The following ARMC10 variants were observed in gnomAD, a reference collection of about 807,000 sequenced individuals.
The protein encoded by ARMC10 is armadillo repeat-containing protein 10.
In ARMC10, 23 loss-of-function variants were observed where a neutral mutation model predicts 30.2. The observed-to-expected ratio is 0.76, with a 90% CI of 0.55 to 1.08. ARMC10 has a LOEUF of 1.08. Ranked by LOEUF, ARMC10 falls within the 50% of genes least tolerant of loss-of-function variation. ARMC10 has a pLI of 0.00. For missense variants in ARMC10, 303 were observed against 413.7 expected (o/e 0.73, Z 2.32); for synonymous variants, 111 against 164.4 (o/e 0.68, Z 2.48).
intron 4 of ARMC10, 46 bp downstream of exon 4, chr7:103,086,810 A>G (rs761585120): frequency 6.3e-7 from 1 of 1,576,974 alleles, no homozygotes; most frequent in Admixed American, 1.9e-5. Flanking sequence ...TCTATAAATA[A>G]AAAATAACAA....
chr7:103,097,494 ATG>A, intron 6 of ARMC10, 146 bp downstream of exon 6: 1 of 527,508 alleles, frequency 1.9e-6, no homozygotes, highest in South Asian at 5.3e-5. Flanking sequence ...TTCATTTTGT[ATG>A]TGTAAATTTC....
chr7:103,097,885 T>C (rs1318231200), intron 6 of ARMC10, among the ~76,000 whole-genome samples: 1 of 152,218 alleles, frequency 6.6e-6, no homozygotes, highest in Non-Finnish European at 1.5e-5. Context: ...ATCGTATTCA[T>C]CTGCTCATCC....
chr7:103,086,612 T>C lies in ARMC10; in HGVS notation c.394-18T>C. 6.3e-7 allele frequency: 1 copy of C among 1,580,504 alleles called. No homozygotes were observed. Among genetic ancestry groups the C allele is most frequent in the Admixed American group, 2.0e-5 (1 of 49,178 alleles). Reference sequence around the variant, plus strand: ...CTGAAGTCCCAGTCCTGCTTTTTTTTTTTTTTTCCCCTCGTAGGCTATTAT... The same window carrying C: ...CTGAAGTCCCAGTCCTGCTTTTTTTCTTTTTTTCCCCTCGTAGGCTATTAT... On this transcript the variant is annotated intron_variant, in intron 3 of 6. Coordinates refer to ENST00000323716, the MANE Select transcript of ARMC10 (RefSeq NM_031905.5).
intron 3 of ARMC10, among the ~76,000 whole-genome samples, chr7:103,085,040 G>A (rs900316554): frequency 6.6e-6 from 1 of 152,180 alleles, no homozygotes; most frequent in Non-Finnish European, 1.5e-5. Context: ...ATCTGCCCCC[G>A]TGGAAAGAGA....
chr7:103,096,458 T>C (rs1284256694), intron 5 of ARMC10: 2 of 152,240 alleles, frequency 1.3e-5, no homozygotes, highest in Non-Finnish European at 1.5e-5. Context: ...CATATTGTTA[T>C]TTATTTAGTC....
rs6978630 is a variant in ARMC10, at chr7:103,093,152, C to A, written c.705+499C>A. Reference sequence around the variant, plus strand: ...ATTAAGTAGGACCTTAGGAGATGCCCTATAAAAAGTTTCTTAAGTAAATCT... The same window carrying A: ...ATTAAGTAGGACCTTAGGAGATGCCATATAAAAAGTTTCTTAAGTAAATCT... On this transcript the variant is annotated intron_variant, in intron 5 of 6. Transcript: ENST00000323716. Among the ~76,000 whole-genome samples the A allele has an allele frequency of 7.2e-5, 11 of 152,114 alleles. No homozygotes were observed. The South Asian group carries it at 1.2e-3, about 17-fold the overall frequency.
At chr7:103,075,970 G>A in intron 2 of ARMC10, 89 bp downstream of exon 2, 1 of 968,992 alleles carries the variant, frequency 1.0e-6, no homozygotes, top group East Asian at 2.9e-5. Flanking sequence ...TCCAAAAGTT[G>A]ATCGGTACAT....
chr7:103,086,326 AT>A (rs1294952170), intron 3 of ARMC10, among the ~76,000 whole-genome samples: 1 of 152,160 alleles, frequency 6.6e-6, no homozygotes, highest in Non-Finnish European at 1.5e-5. Context: ...TCAAAGAAAA[AT>A]AATTTTATTT....
chr7:103,084,001 T>C (rs769719123), intron 3 of ARMC10, 171 bp downstream of exon 3: 1 of 1,507,326 alleles, frequency 6.6e-7, no homozygotes, highest in Non-Finnish European at 8.9e-7. Flanking sequence ...CACAGCCTAA[T>C]AGTGATATGA....
chr7:103,081,381 C>T (rs1800364887), intron 2 of ARMC10, among the ~76,000 whole-genome samples: 1 of 152,030 alleles, frequency 6.6e-6, no homozygotes, highest in Non-Finnish European at 1.5e-5. Context: ...TTTTTAAAAA[C>T]AAAAACAAAA....
chr7:103,090,387 C>G (rs778768757), intron 4 of ARMC10, among the ~76,000 whole-genome samples: 1 of 152,160 alleles, frequency 6.6e-6, no homozygotes. Flanking sequence ...TAGGGCCAGG[C>G]GTGGTGGCTC....
Position 103,099,575 on chromosome 7 carries a change from CGTGT to C in ARMC10, c.*1037_*1040del, listed in dbSNP as rs36128607. 1 of 29,956 alleles carries C rather than the reference CGTGT, an allele frequency of 3.3e-5. No individual in the cohort carries two copies. Among genetic ancestry groups the C allele is most frequent in the East Asian group, 1.1e-3 (1 of 928 alleles). 1.9% of individuals were successfully genotyped at this position (29,956 alleles called of 1,614,324 possible). ...ACAAAAATTATAGAATATGGGATCC[CGTGT>C]GTGTGTGTGTGTGTTTGAATGAAAA... On this transcript the variant is annotated 3_prime_UTR_variant, in exon 7 of 7. Transcript: ENST00000323716.
At chr7:103,087,389 C>CA (rs1206786095) in intron 4 of ARMC10, among the ~76,000 whole-genome samples, 1 of 152,164 alleles carries the variant, frequency 6.6e-6, no homozygotes, top group Non-Finnish European at 1.5e-5. Flanking sequence ...ACCTACGTTA[C>CA]TGACATTGCT....
chr7:103,085,815 A>G (rs536963664), intron 3 of ARMC10, among the ~76,000 whole-genome samples: 1 of 152,064 alleles, frequency 6.6e-6, no homozygotes, highest in East Asian at 1.9e-4. Context: ...GGGTTTCACC[A>G]TGTTGGCCAG....
In ARMC10 at chr7:103,083,667, TTTC is replaced by T. The variant is rs1395460871; in HGVS notation, c.245-9_245-7del. On this transcript the variant is annotated splice_polypyrimidine_tract_variant and intron_variant, in intron 2 of 6. Coordinates refer to ENST00000323716, the MANE Select transcript of ARMC10 (RefSeq NM_031905.5). ...TGATTTTAGCTTAACTTCAAATAACTTTCTTCTTATGCAGAAGACTTAACTGAT... is the reference window on the plus strand; with the variant it reads ...TGATTTTAGCTTAACTTCAAATAACTTTCTTATGCAGAAGACTTAACTGAT... 6.3e-6 allele frequency: 10 copies of T among 1,596,688 alleles called. No individual in the cohort carries two copies. The South Asian group carries it at 1.1e-4, about 18-fold the overall frequency.
chr7:103,097,707 G>T (rs1269717942), intron 6 of ARMC10, among the ~76,000 whole-genome samples: 1 of 152,208 alleles, frequency 6.6e-6, no homozygotes, highest in Non-Finnish European at 1.5e-5. Context: ...GCATATGCTA[G>T]ATGAGACACA....
At position 103,086,701 on chromosome 7, in the gene ARMC10, A is replaced by G; in HGVS notation, c.465A>G (p.Lys155=). The change falls in exon 4 of 7, where the codon AAA becomes AAG. Residue 155 remains lysine (K), a synonymous_variant. Transcript: ENST00000323716. Reference sequence around the variant, plus strand: ...TCAACCATTCCAACCAGAGTATTAAAGAGAAAGCTTTAAATGCACTAAATA... The same window carrying G: ...TCAACCATTCCAACCAGAGTATTAAGGAGAAAGCTTTAAATGCACTAAATA... ...NKINHSNQSI[K]EKALNALNNL... is the part of the protein sequence containing the mutation. 1 of 1,597,614 alleles carries G rather than the reference A, an allele frequency of 6.3e-7. No individual in the cohort carries two copies. The highest frequency in any genetic ancestry group is 8.5e-7 in the Non-Finnish European group (1 of 1,176,166).
chr7:103,090,641 G>A (rs1295599290), intron 4 of ARMC10, among the ~76,000 whole-genome samples: 2 of 151,752 alleles, frequency 1.3e-5, no homozygotes, highest in Non-Finnish European at 2.9e-5. Flanking sequence ...GGGATTACAG[G>A]TGCCCACCAC....
intron 2 of ARMC10, among the ~76,000 whole-genome samples, chr7:103,077,051 C>T (rs1007498434): frequency 6.6e-6 from 1 of 152,102 alleles, no homozygotes; most frequent in South Asian, 2.1e-4. Context: ...TGCACACCGA[C>T]ACCTGGCTAA....
Sources: gnomAD v4.1 joint callset for allele counts (sites outside exome capture counted in the v4.1 genomes callset) on GRCh38, gnomAD v4.1.1 for gene constraint, MANE v1.5 for transcripts, NCBI Gene and HGNC (gene_info 2026-07-23, HGNC 2026-07-21) for gene names.